RFX8: variants seen among roughly 807,000 people sequenced by gnomAD.
RFX8 encodes the protein regulatory factor X8.
RFX8 carries 46 observed loss-of-function variants against 54.6 expected under a neutral mutation model. The ratio of observed to expected loss-of-function variants is 0.84; its 90% CI spans 0.67 to 1.08. RFX8 has a LOEUF of 1.08. Ranked by LOEUF, RFX8 falls within the 50% of genes least tolerant of loss-of-function variation. RFX8 has a pLI of 0.00. For missense variants in RFX8, 536 were observed against 562.3 expected, an observed-to-expected ratio of 0.95 and a Z score of 0.47; for synonymous variants, 192 against 209.5, an observed-to-expected ratio of 0.92 and a Z score of 0.72.
chr2:101,415,742 A>G (rs1298913306), intron 6 of RFX8, among the ~76,000 whole-genome samples: 4 of 152,246 alleles, frequency 2.6e-5, no homozygotes, highest in Admixed American at 2.6e-4. Context: ...CAAAGGGCTC[A>G]TGCTCCAGAG....
At chr2:101,437,330 T>C (rs1478735293) in intron 2 of RFX8, among the ~76,000 whole-genome samples, 1 of 151,994 alleles carries the variant, frequency 6.6e-6, no homozygotes, top group Non-Finnish European at 1.5e-5. Context: ...GCCAGCTACT[T>C]GGGAGACTGA....
chr2:101,400,728 G>A (rs1380574458), intron 11 of RFX8, among the ~76,000 whole-genome samples: 1 of 152,190 alleles, frequency 6.6e-6, no homozygotes, highest in East Asian at 1.9e-4. Flanking sequence ...TCCAGCCGGT[G>A]AGCGCAAAGA....
chr2:101,397,490 A>T lies in RFX8; in HGVS notation c.*58T>A. ...CGTCAATAGAAAAACTTTAGTATTT[A>T]ATATTTTTAAGAATGCAAGTCTATC... On this transcript the variant is annotated 3_prime_UTR_variant, in exon 12 of 12. Transcript: ENST00000428343. The T allele has an allele frequency of 8.5e-7, 1 of 1,173,390 alleles. No homozygotes were observed. Among genetic ancestry groups the T allele is most frequent in the Non-Finnish European group, 1.2e-6 (1 of 850,278 alleles). The allele number at this position is 1,173,390 out of a possible 1,614,324, so 72.7% of individuals were successfully genotyped here. A position where few individuals can be genotyped will look rare whatever the true frequency, so the allele number is the denominator to read the frequency against.
intron 2 of RFX8, chr2:101,428,893 A>T: frequency 1.0e-6 from 1 of 979,356 alleles, no homozygotes; most frequent in Non-Finnish European, 1.6e-6. Context: ...GGATCGAATT[A>T]AGCAATCACT....
Position 101,406,039 on chromosome 2 carries a change from C to T in RFX8, c.832G>A (p.Glu278Lys), listed in dbSNP as rs1045051773. Residue 278 changes from glutamate (E) to lysine (K), a missense_variant, in exon 10 of 12, where the codon GAG becomes AAG. Coordinates refer to ENST00000428343, the MANE Select transcript of RFX8 (RefSeq NM_001145664.2). ...FVFQTSRSKE[E>K]FTKLAASFQL... ...AAGCTGGCGGCCAATTTGGTAAACT[C>T]TTCTTTGCTTCTGCTTGTCTGTTAA... 19 of 1,543,996 alleles carry T rather than the reference C, an allele frequency of 1.2e-5. No homozygotes were observed. The highest frequency in any genetic ancestry group is 1.6e-5 in the Non-Finnish European group (18 of 1,143,466).
chr2:101,433,929 GTAAA>G (rs1399696148), intron 2 of RFX8, among the ~76,000 whole-genome samples: 3 of 152,114 alleles, frequency 2.0e-5, no homozygotes, highest in Admixed American at 1.3e-4. Flanking sequence ...TGTTAAAATA[GTAAA>G]TATATATATT....
chr2:101,450,706 A>G, intron 2 of RFX8: 1 of 1,186,066 alleles, frequency 8.4e-7, no homozygotes, highest in Non-Finnish European at 1.2e-6. Context: ...TTGTCTTTAA[A>G]TTTATGTCTA....
Position 101,451,683 on chromosome 2 carries a change from C to T in RFX8, c.72+15094G>A, listed in dbSNP as rs537392614. On this transcript the variant is annotated intron_variant, in intron 2 of 11. Coordinates refer to ENST00000428343, the MANE Select transcript of RFX8 (RefSeq NM_001145664.2). ...CAGCCTGGGCGACAAGGGTGAAACT[C>T]CGTCTCAAAAAAAAAAAAAAAAAGA... Among the ~76,000 whole-genome samples, 4 of 86,506 alleles carry T rather than the reference C, an allele frequency of 4.6e-5. No homozygotes were observed. In the East Asian group the frequency reaches 9.0e-4, roughly 19 times the overall value. The allele number at this position is 86,506 out of a possible 152,430, so 56.8% of individuals were successfully genotyped here.
intron 2 of RFX8, among the ~76,000 whole-genome samples, chr2:101,445,393 G>A (rs1029772670): frequency 2.0e-5 from 3 of 151,896 alleles, no homozygotes; most frequent in African/African-American, 7.3e-5. Flanking sequence ...CACATCTCGC[G>A]ATTGTTCCTT....
intron 8 of RFX8, among the ~76,000 whole-genome samples, chr2:101,411,089 T>A (rs575341547): frequency 5.8e-4 from 88 of 152,328 alleles, no homozygotes; most frequent in Non-Finnish European, 1.0e-3. Flanking sequence ...ATTAATGTCA[T>A]TGAAGTGATG....
chr2:101,409,065 C>T (rs1026125854), intron 9 of RFX8, among the ~76,000 whole-genome samples: 4 of 152,280 alleles, frequency 2.6e-5, no homozygotes, highest in Non-Finnish European at 2.9e-5. Flanking sequence ...CCCGATCCCC[C>T]TCTCTCAGCT....
At chr2:101,469,317 T>A (rs1172904243) in intron 1 of RFX8, among the ~76,000 whole-genome samples, 1 of 96,946 alleles carries the variant, frequency 1.0e-5, no homozygotes, top group Admixed American at 9.1e-5. Context: ...CATGTCCAGA[T>A]ACTTAAAAAA....
intron 4 of RFX8, among the ~76,000 whole-genome samples, chr2:101,420,498 GC>G (rs1686804253): frequency 2.0e-5 from 3 of 151,946 alleles, no homozygotes; most frequent in African/African-American, 7.3e-5. Flanking sequence ...AGCCGAGATC[GC>G]ACCACTGAAC....
At chr2:101,456,625 T>C (rs1688977459) in intron 2 of RFX8, among the ~76,000 whole-genome samples, 1 of 152,246 alleles carries the variant, frequency 6.6e-6, no homozygotes, top group Non-Finnish European at 1.5e-5. Flanking sequence ...AGTATTTTAT[T>C]GAGGATTTTC....
Position 101,405,959 on chromosome 2 carries a change from G to C in RFX8, c.912C>G (p.Cys304Trp), listed in dbSNP as rs1685707191. ...LTAVSKAMTL[C>W]HRDSFGSWHL... ...CTGACTTACCAAAACTATCTCTGTGGCAGAGGGTCATGGCTTTGCTTACAG... is the reference window on the plus strand; with the variant it reads ...CTGACTTACCAAAACTATCTCTGTGCCAGAGGGTCATGGCTTTGCTTACAG... The change falls in exon 10 of 12, where the codon TGC (cysteine) becomes TGG (tryptophan). Residue 304 changes from cysteine (C) to tryptophan (W), a missense_variant. By Grantham distance (215) the Cys-to-Trp change is radical (BLOSUM62 -2). Transcript: ENST00000428343. 1 of 1,534,734 alleles carries C rather than the reference G, an allele frequency of 6.5e-7. No homozygotes were observed. The highest frequency in any genetic ancestry group is 1.4e-5 in the African/African-American group (1 of 72,372).
intron 2 of RFX8, among the ~76,000 whole-genome samples, chr2:101,446,923 A>T (rs1009647106): frequency 6.6e-6 from 1 of 152,206 alleles, no homozygotes; most frequent in Non-Finnish European, 1.5e-5. Context: ...AGTCACTAAA[A>T]TAAATCTCTC....
At chr2:101,421,461 A>G in intron 4 of RFX8, 1 of 1,153,916 alleles carries the variant, frequency 8.7e-7, no homozygotes, top group Non-Finnish European at 1.1e-6. Context: ...GATCTAAAAA[A>G]TAGCTGAATT....
intron 11 of RFX8, among the ~76,000 whole-genome samples, chr2:101,398,940 A>C (rs1182737449): frequency 6.6e-6 from 1 of 152,214 alleles, no homozygotes; most frequent in Non-Finnish European, 1.5e-5. Flanking sequence ...TTTTCAAAAA[A>C]TTGTTTTCAC....
intron 1 of RFX8, among the ~76,000 whole-genome samples, chr2:101,470,432 A>G (rs575971530): frequency 6.6e-6 from 1 of 152,260 alleles, no homozygotes; most frequent in East Asian, 1.9e-4. Flanking sequence ...CCGGCAGGTG[A>G]CATTGGTTAA....
Sources: gnomAD v4.1 joint callset for allele counts (sites outside exome capture counted in the v4.1 genomes callset) on GRCh38, gnomAD v4.1.1 for gene constraint, MANE v1.5 for transcripts, NCBI Gene and HGNC (gene_info 2026-07-23, HGNC 2026-07-21) for gene names.